WEE1: variants seen among roughly 807,000 people sequenced by gnomAD.
The protein encoded by WEE1 is wee1-like protein kinase.
Under a neutral mutation model 68.8 loss-of-function variants are expected in WEE1, and 16 were observed. That is an observed-to-expected ratio of 0.23 (90% CI 0.16 to 0.35). WEE1 has a LOEUF of 0.35. WEE1 is among the 10% of genes least tolerant of loss of function. WEE1 has a pLI of 1.00. For synonymous variants in WEE1, 349 were observed against 318.7 expected, an observed-to-expected ratio of 1.09 and a Z score of -1.01; for missense variants, 651 against 824.1, an observed-to-expected ratio of 0.79 and a Z score of 2.57.
In WEE1 at chr11:9,576,625, C is replaced by A; in HGVS notation, c.985C>A (p.Arg329=). 1 of 1,612,562 alleles carries A rather than the reference C, an allele frequency of 6.2e-7. No individual in the cohort carries two copies. The highest frequency in any genetic ancestry group is 8.5e-7 in the Non-Finnish European group (1 of 1,179,492). The change falls in exon 4 of 11, where the codon CGA becomes AGA. Residue 329 remains arginine, a synonymous_variant. Transcript: ENST00000450114. This position sits in a 1 kb window ranked among gnomAD's most constrained non-coding sequence, Gnocchi z 4.3. ...GGATGGATGCATTTATGCCATTAAG[C>A]GATCAAAAAAGCCATTGGCGGGCTC... The part of the protein sequence containing the change: ...RLDGCIYAIK[R]SKKPLAGSVD...
intron 5 of WEE1, chr11:9,578,034 T>C (rs1849583134): frequency 8.0e-6 from 3 of 375,550 alleles, no homozygotes; most frequent in Admixed American, 7.3e-5. Flanking sequence ...CTCAACACTT[T>C]TGTAGTTTAT....
At position 9,574,450 on chromosome 11, in the gene WEE1, A is replaced by T. The variant is rs773244106; in HGVS notation, c.517A>T (p.Thr173Ser). ...RRSPRPDHPG[T>S]PPHKTFRKLR... ...CTCGCCGCGGCCGGACCACCCGGGCACCCCGCCACACAAGACCTTCCGCAA... is the reference window on the plus strand; with the variant it reads ...CTCGCCGCGGCCGGACCACCCGGGCTCCCCGCCACACAAGACCTTCCGCAA... The change falls in exon 1 of 11, where the codon ACC (threonine) becomes TCC (serine). Residue 173 changes from threonine (T) to serine (S), a missense_variant. Around this residue, in one of 5 missense-constraint regions of WEE1, gnomAD observed 395 missense variants for 378.4 expected, o/e 1.04. Transcript: ENST00000450114. The surrounding 1 kb of genome is among the most constrained non-coding windows in gnomAD (Gnocchi z 4.9). The T allele has an allele frequency of 6.0e-5, 74 of 1,227,678 alleles. No individual in the cohort carries two copies. The African/African-American group carries it at 1.2e-3, about 19-fold the overall frequency. 76.0% of individuals were successfully genotyped at this position (1,227,678 alleles called of 1,614,324 possible). A position where few individuals can be genotyped will look rare whatever the true frequency, so the allele number is the denominator to read the frequency against.
intron 6 of WEE1, among the ~76,000 whole-genome samples, chr11:9,582,818 G>A (rs1015374458): frequency 6.6e-6 from 1 of 152,086 alleles, no homozygotes; most frequent in Admixed American, 6.5e-5. Flanking sequence ...GCCCACCATG[G>A]CCTCCCAAAG....
chr11:9,574,715 A>T lies in WEE1; in HGVS notation c.576+206A>T. ...TAACTGAACAATGGGCCTCGTCTGG[A>T]ACTTCATCTTACAAAGGGGCCGATC... On this transcript the variant is annotated intron_variant, in intron 1 of 10. Coordinates refer to ENST00000450114, the MANE Select transcript of WEE1 (RefSeq NM_003390.4). The surrounding 1 kb of genome is among the most constrained non-coding windows in gnomAD (Gnocchi z 4.9). The T allele has an allele frequency of 1.9e-6, 2 of 1,069,632 alleles. No homozygotes were observed. Among genetic ancestry groups the T allele is most frequent in the African/African-American group, 3.4e-5 (2 of 59,318 alleles). The allele number at this position is 1,069,632 out of a possible 1,614,324, so 66.3% of individuals were successfully genotyped here.
At chr11:9,578,373 A>G (rs1054182950) in intron 5 of WEE1, 1 of 155,066 alleles carries the variant, frequency 6.4e-6, no homozygotes, top group African/African-American at 2.4e-5. Context: ...CATTTTTCAA[A>G]CCTGATTCCT....
Position 9,588,595 on chromosome 11 carries a change from T to C in WEE1, c.1934T>C (p.Ile645Thr), listed in dbSNP as rs1382153901. The C allele has an allele frequency of 6.3e-7, 1 of 1,583,624 alleles. No individual in the cohort carries two copies. Among genetic ancestry groups the C allele is most frequent in the African/African-American group, 1.4e-5 (1 of 73,372 alleles). Residue 645 changes from isoleucine (I) to threonine (T), a missense_variant, in exon 11 of 11, where the codon ATA becomes ACA. Transcript: ENST00000450114. ...KKMNRSVSLTIY is the reference protein window; with the variant it reads ...KKMNRSVSLTTY ...ATGAACCGCTCTGTCAGCCTTACTA[T>C]ATACTGAGCTACTCCTTTCCCACCT... is the stretch of plus-strand genomic sequence containing the variant.
Position 9,588,715 on chromosome 11 carries a change from G to A in WEE1, c.*113G>A. The A allele has an allele frequency of 7.2e-7, 1 of 1,383,024 alleles. No individual in the cohort carries two copies. Among genetic ancestry groups the A allele is most frequent in the Non-Finnish European group, 9.4e-7 (1 of 1,068,294 alleles). 85.7% of individuals were successfully genotyped at this position (1,383,024 alleles called of 1,614,324 possible). A position where few individuals can be genotyped will look rare whatever the true frequency, so the allele number is the denominator to read the frequency against. On this transcript the variant is annotated 3_prime_UTR_variant, in exon 11 of 11. Transcript: ENST00000450114. ...CTCGATTGGTGTCAGTAGTTTTACTGATTAGGACTTTTATTGTGAATTACA... is the reference window on the plus strand; with the variant it reads ...CTCGATTGGTGTCAGTAGTTTTACTAATTAGGACTTTTATTGTGAATTACA...
At chr11:9,575,396 A>G (rs952779951) in intron 1 of WEE1, 21 of 994,304 alleles carry the variant, frequency 2.1e-5, no homozygotes, top group Admixed American at 5.5e-5. Flanking sequence ...TTTGTTTTCA[A>G]TGTACTGTTT....
chr11:9,576,544 C>T lies in WEE1; in HGVS notation c.904C>T (p.Leu302=). The stretch of plus-strand genomic sequence containing the variant: ...CCGGTATACAACAGAATTTCATGAG[C>T]TAGAGAAAATCGGCTCTGGAGAATT... ...KSRYTTEFHE[L]EKIGSGEFGS... The change falls in exon 4 of 11, where the codon CTA becomes TTA. Residue 302 remains leucine (L), a synonymous_variant. Transcript: ENST00000450114. The surrounding 1 kb of genome is among the most constrained non-coding windows in gnomAD (Gnocchi z 4.3). The T allele has an allele frequency of 6.2e-7, 1 of 1,613,946 alleles. No homozygotes were observed. The highest frequency in any genetic ancestry group is 8.5e-7 in the Non-Finnish European group (1 of 1,179,932).
At chr11:9,581,792 A>C (rs1254674454) in intron 6 of WEE1, 114 bp downstream of exon 6, 6 of 1,094,534 alleles carry the variant, frequency 5.5e-6, no homozygotes, top group Non-Finnish European at 5.1e-6. Flanking sequence ...GTTAGTTTTA[A>C]AAGGCCTTAG....
chr11:9,587,072 C>T (rs1248177598), intron 10 of WEE1, among the ~76,000 whole-genome samples: 5 of 152,070 alleles, frequency 3.3e-5, no homozygotes, highest in African/African-American at 4.8e-5. Flanking sequence ...GCTATCCTCC[C>T]GTGTCAGCCT....
At chr11:9,588,094 A>C (rs902051954) in intron 10 of WEE1, among the ~76,000 whole-genome samples, 2 of 152,110 alleles carry the variant, frequency 1.3e-5, no homozygotes, top group African/African-American at 4.8e-5. Context: ...AGCTCACTGC[A>C]GCCTCAAACT....
At chr11:9,577,307 A>T (rs762572738) in intron 5 of WEE1, 44 bp downstream of exon 5, 26 of 1,592,682 alleles carry the variant, frequency 1.6e-5, no homozygotes, top group Non-Finnish European at 8.6e-7. Flanking sequence ...GAAAATGAAC[A>T]TCGAGGAAAT....
intron 8 of WEE1, among the ~76,000 whole-genome samples, 160 bp downstream of exon 8, chr11:9,585,687 G>A (rs1055203575): frequency 1.3e-5 from 2 of 152,164 alleles, no homozygotes; most frequent in African/African-American, 4.8e-5. Flanking sequence ...AAGTCATGAA[G>A]GCAAAGATTT....
chr11:9,585,693 G>T (rs1290314662), intron 8 of WEE1, among the ~76,000 whole-genome samples, 166 bp downstream of exon 8: 1 of 152,200 alleles, frequency 6.6e-6, no homozygotes, highest in Non-Finnish European at 1.5e-5. Context: ...TGAAGGCAAA[G>T]ATTTATAATG....
chr11:9,586,119 A>T (rs1408118338), intron 8 of WEE1, among the ~76,000 whole-genome samples: 1 of 152,186 alleles, frequency 6.6e-6, no homozygotes, highest in Non-Finnish European at 1.5e-5. Flanking sequence ...GTAACTTGTC[A>T]GTGTGTTTCT....
At position 9,574,326 on chromosome 11, in the gene WEE1, C is replaced by A; in HGVS notation, c.393C>A (p.Pro131=). Residue 131 remains proline, a synonymous_variant, in exon 1 of 11, where the codon CCC becomes CCA. Transcript: ENST00000450114. The surrounding 1 kb of genome is among the most constrained non-coding windows in gnomAD (Gnocchi z 4.9). ...SSSPVKSPAA[P]YFLGSSFSPV... is the part of the protein sequence containing the mutation. ...CGCCGGTCAAGTCGCCGGCGGCCCC[C>A]TACTTCCTGGGTAGCTCTTTCTCGC... is the stretch of plus-strand genomic sequence containing the variant. 7.8e-7 allele frequency: 1 copy of A among 1,275,224 alleles called. No homozygotes were observed. Among genetic ancestry groups the A allele is most frequent in the African/African-American group, 1.6e-5 (1 of 64,384 alleles). 79.0% of individuals were successfully genotyped at this position (1,275,224 alleles called of 1,614,324 possible).
Position 9,576,312 on chromosome 11 carries a change from T to C in WEE1, c.846+19T>C, listed in dbSNP as rs561145063. 1.5e-3 allele frequency: 2,346 copies of C among 1,525,976 alleles called. 5 individuals are homozygous for C. The highest frequency in any genetic ancestry group is 3.7e-3 in the South Asian group (297 of 80,992). 94.5% of individuals were successfully genotyped at this position (1,525,976 alleles called of 1,614,324 possible). A position where few individuals can be genotyped will look rare whatever the true frequency, so the allele number is the denominator to read the frequency against. On this transcript the variant is annotated intron_variant, in intron 3 of 10. Coordinates refer to ENST00000450114, the MANE Select transcript of WEE1 (RefSeq NM_003390.4). This position sits in a 1 kb window ranked among gnomAD's most constrained non-coding sequence, Gnocchi z 4.3. ...TGCTAAGGTAAATAGCTTTTTATTT[T>C]TATTTTTTTGAAATTTACTTTTCTG... is the stretch of plus-strand genomic sequence containing the variant.
Position 9,574,182 on chromosome 11 carries a change from C to T in WEE1, c.249C>T (p.Pro83=). ...PERRRSPGPA[P]GSPGELEEDL... ...GCCGCCGCTCGCCCGGGCCGGCCCCCGGCAGCCCCGGCGAGCTGGAGGAGG... is the reference window on the plus strand; with the variant it reads ...GCCGCCGCTCGCCCGGGCCGGCCCCTGGCAGCCCCGGCGAGCTGGAGGAGG... The change falls in exon 1 of 11, where the codon CCC becomes CCT. Residue 83 remains proline (P), a synonymous_variant. Transcript: ENST00000450114. The surrounding 1 kb of genome is among the most constrained non-coding windows in gnomAD (Gnocchi z 4.9). 8.5e-7 allele frequency: 1 copy of T among 1,178,214 alleles called. No homozygotes were observed. Among genetic ancestry groups the T allele is most frequent in the Non-Finnish European group, 1.0e-6 (1 of 954,060 alleles). 73.0% of individuals were successfully genotyped at this position (1,178,214 alleles called of 1,614,324 possible).
Sources: allele counts gnomAD v4.1 joint callset (sites outside exome capture counted in the v4.1 genomes callset), GRCh38; gene constraint gnomAD v4.1.1; regional missense constraint gnomAD v4.1.1; non-coding constraint Gnocchi (gnomAD v3.1); transcripts MANE v1.5; gene names NCBI Gene and HGNC (gene_info 2026-07-23, HGNC 2026-07-21).